The following ATP10B variants were observed in gnomAD, a reference collection of about 807,000 sequenced individuals.
ATP10B encodes the protein phospholipid-transporting ATPase VB.
In ATP10B, 122 loss-of-function variants were observed where a neutral mutation model predicts 141.2. The observed-to-expected ratio is 0.86, with a 90% CI of 0.75 to 1.00. ATP10B has a LOEUF of 1.00. Among genes scored for constraint, ATP10B ranks in the 50% least tolerant of loss-of-function variants. ATP10B has a pLI of 0.00. For synonymous variants in ATP10B, 685 were observed against 692.0 expected (o/e 0.99, Z 0.16); for missense variants, 1,876 against 1,825.3 (o/e 1.03, Z -0.51).
At position 160,644,346 on chromosome 5, in the gene ATP10B, C is replaced by G. The variant is rs1760114754; in HGVS notation, c.762-102G>C. On this transcript the variant is annotated intron_variant, in intron 8 of 25. Transcript: ENST00000327245. ...GAAGTGGTGAGTGAACATGATCCCT[C>G]TCCTCCCTGTTTTTTCAGAAGAGTG... is the stretch of plus-strand genomic sequence containing the variant. The G allele has an allele frequency of 6.4e-6, 5 of 776,656 alleles. No individual in the cohort carries two copies. The East Asian group carries it at 1.3e-4, about 20-fold the overall frequency. The allele number at this position is 776,656 out of a possible 1,614,324, so 48.1% of individuals were successfully genotyped here. A position where few individuals can be genotyped will look rare whatever the true frequency, so the allele number is the denominator to read the frequency against.
At chr5:160,826,030 T>A (rs1774577198) in intron 1 of ATP10B, among the ~76,000 whole-genome samples, 1 of 152,250 alleles carries the variant, frequency 6.6e-6, no homozygotes, top group African/African-American at 2.4e-5. Context: ...GGTATAAACG[T>A]ACCACATTTT....
intron 2 of ATP10B, among the ~76,000 whole-genome samples, chr5:160,784,598 A>C (rs1019467403): frequency 6.6e-6 from 1 of 152,182 alleles, no homozygotes; most frequent in South Asian, 2.1e-4. Flanking sequence ...GTTTATAATT[A>C]TGCAAATTGG....
At chr5:160,813,215 A>G (rs1205489347) in intron 1 of ATP10B, among the ~76,000 whole-genome samples, 1 of 152,256 alleles carries the variant, frequency 6.6e-6, no homozygotes, top group Non-Finnish European at 1.5e-5. Context: ...ACAAGGGGTC[A>G]GGGAATTCCC....
intron 23 of ATP10B, among the ~76,000 whole-genome samples, chr5:160,590,761 T>G (rs1488471187): frequency 4.6e-5 from 7 of 152,162 alleles, no homozygotes; most frequent in African/African-American, 1.7e-4. Flanking sequence ...TAAGGCAAAC[T>G]GGAGAACATG....
rs1306831285 is a variant in ATP10B, at chr5:160,755,875, ATATT to A, written c.-331+29680_-331+29683del. ...TATATATATATATATATATATATAT[ATATT>A]ATAATTTTATGGAACCACTGTCATA... On this transcript the variant is annotated intron_variant, in intron 2 of 25. Transcript: ENST00000327245. 9.7e-5 allele frequency among the ~76,000 whole-genome samples: 11 copies of A among 113,716 alleles called. No homozygotes were observed. In the East Asian group the frequency reaches 1.9e-3, roughly 20 times the overall value. 74.6% of individuals were successfully genotyped at this position (113,716 alleles called of 152,430 possible).
chr5:160,819,612 A>T (rs1295901398), intron 1 of ATP10B, among the ~76,000 whole-genome samples: 1 of 152,172 alleles, frequency 6.6e-6, no homozygotes, highest in East Asian at 1.9e-4. Flanking sequence ...AAAAATAATA[A>T]CTACAACAAC....
the ATP10B span, among the ~76,000 whole-genome samples, chr5:160,887,594 T>C: frequency 6.6e-6 from 1 of 152,124 alleles, no homozygotes; most frequent in African/African-American, 2.4e-5. Flanking sequence ...TCTTACACAA[T>C]CTTGCTCCAT....
the ATP10B span, among the ~76,000 whole-genome samples, chr5:160,860,937 T>A: frequency 6.6e-6 from 1 of 152,064 alleles, no homozygotes; most frequent in Non-Finnish European, 1.5e-5. Context: ...AGGGCACAAG[T>A]ATCCCCATTC....
chr5:160,598,752 G>T lies in ATP10B; in HGVS notation c.3564+18C>A. On this transcript the variant is annotated intron_variant, in intron 22 of 25. Coordinates refer to ENST00000327245, the MANE Select transcript of ATP10B (RefSeq NM_025153.3). ...AAGAAGCTGAAGTCACCTCCCTTTG[G>T]CTGCCCGATCTCCTTACCTCAGAGT... is the stretch of plus-strand genomic sequence containing the variant. 1 of 1,612,958 alleles carries T rather than the reference G, an allele frequency of 6.2e-7. No homozygotes were observed. Among genetic ancestry groups the T allele is most frequent in the Non-Finnish European group, 8.5e-7 (1 of 1,179,380 alleles).
At chr5:160,620,212 T>A (rs1561659913) in intron 15 of ATP10B, 135 bp downstream of exon 15, 3 of 1,166,666 alleles carry the variant, frequency 2.6e-6, no homozygotes, top group Admixed American at 5.0e-5. Context: ...GAGGAAAACA[T>A]CTTGTAGGTC....
chr5:160,568,494 G>C (rs1754686093), intron 25 of ATP10B, among the ~76,000 whole-genome samples: 1 of 152,162 alleles, frequency 6.6e-6, no homozygotes, highest in Non-Finnish European at 1.5e-5. Flanking sequence ...TGGCTTGATT[G>C]CGATGTTCAG....
rs114236883 is a variant in ATP10B, at chr5:160,741,277, G to A, written c.-330-24243C>T. Among the ~76,000 whole-genome samples, 504 of 152,312 alleles carry A rather than the reference G, an allele frequency of 3.3e-3. 2 individuals carry two copies. Among genetic ancestry groups the A allele is most frequent in the African/African-American group, 0.012 (480 of 41,572 alleles). ...CTTCAGTAAAGTTAGCAAACAGAAT[G>A]GCTACACAGAATCCTCTGATGCCTC... On this transcript the variant is annotated intron_variant, in intron 2 of 25. Transcript: ENST00000327245.
At chr5:160,916,143 C>T in the ATP10B span, among the ~76,000 whole-genome samples, 217 of 152,264 alleles carry the variant, frequency 1.4e-3, 1 homozygote, top group Middle Eastern at 6.8e-3. Context: ...AACTAAGGCT[C>T]AGAAATTTGC....
At chr5:160,611,125 T>C (rs1204287283) in intron 18 of ATP10B, among the ~76,000 whole-genome samples, 2 of 152,162 alleles carry the variant, frequency 1.3e-5, no homozygotes, top group African/African-American at 4.8e-5. Context: ...ATCTTACAGG[T>C]TTAGTGAGCC....
chr5:160,928,964 G>A, the ATP10B span, among the ~76,000 whole-genome samples: 1 of 152,190 alleles, frequency 6.6e-6, no homozygotes, highest in African/African-American at 2.4e-5. Context: ...ATCTACAACA[G>A]CCCTCATAAC....
At chr5:160,791,322 G>C (rs1242638202) in intron 1 of ATP10B, among the ~76,000 whole-genome samples, 1 of 152,118 alleles carries the variant, frequency 6.6e-6, no homozygotes, top group African/African-American at 2.4e-5. Flanking sequence ...AAATTAATAT[G>C]CTGACTATTG....
chr5:160,803,927 A>T (rs1772583965), intron 1 of ATP10B, among the ~76,000 whole-genome samples: 1 of 150,278 alleles, frequency 6.7e-6, no homozygotes, highest in Admixed American at 6.6e-5. Context: ...GTCAACACAG[A>T]TTTTTTTTTT....
chr5:160,657,984 G>A (rs1761624727), intron 7 of ATP10B, among the ~76,000 whole-genome samples: 1 of 152,196 alleles, frequency 6.6e-6, no homozygotes, highest in Non-Finnish European at 1.5e-5. Context: ...TTCTTGCTGT[G>A]GATAACTGAA....
At chr5:160,580,769 C>T (rs1449115824) in intron 24 of ATP10B, among the ~76,000 whole-genome samples, 1 of 152,164 alleles carries the variant, frequency 6.6e-6, no homozygotes, top group Non-Finnish European at 1.5e-5. Flanking sequence ...TAGAATTCGG[C>T]TGTGAATCCG....
Sources: allele counts gnomAD v4.1 joint callset (sites outside exome capture counted in the v4.1 genomes callset), GRCh38; gene constraint gnomAD v4.1.1; transcripts MANE v1.5; gene names NCBI Gene and HGNC (gene_info 2026-07-23, HGNC 2026-07-21).